SNURF: variants seen among roughly 807,000 people sequenced by gnomAD.
The protein encoded by SNURF is SNURF protein.
Under a neutral mutation model 11.6 loss-of-function variants are expected in SNURF, and 6 were observed. The observed-to-expected ratio is 0.52, with a 90% CI of 0.28 to 1.02. The LOEUF is 1.02. Among genes scored for constraint, SNURF ranks in the 50% least tolerant of loss-of-function variants. The pLI, the probability that SNURF is intolerant of heterozygous loss-of-function variation, is 0.09. For synonymous variants in SNURF, 29 were observed against 31.6 expected (o/e 0.92, Z 0.27); for missense variants, 84 against 88.4 (o/e 0.95, Z 0.20).
chr15:24,957,487 T>C (rs921841536), intron 1 of SNURF, among the ~76,000 whole-genome samples: 1 of 152,232 alleles, frequency 6.6e-6, no homozygotes, highest in Non-Finnish European at 1.5e-5. Flanking sequence ...CATTTTTATA[T>C]TCCAGTACTT....
At chr15:24,965,695 T>A (rs1421941893) in intron 2 of SNURF, among the ~76,000 whole-genome samples, 1 of 152,188 alleles carries the variant, frequency 6.6e-6, no homozygotes, top group Non-Finnish European at 1.5e-5. Flanking sequence ...TGTCTTAATA[T>A]ATTTTATGCT....
At chr15:24,965,377 AAAT>A (rs1225363435) in intron 2 of SNURF, among the ~76,000 whole-genome samples, 2 of 152,082 alleles carry the variant, frequency 1.3e-5, no homozygotes, top group Non-Finnish European at 2.9e-5. Flanking sequence ...ATCTCTAGAA[AAAT>A]AAAAAAATCA....
intron 4 of SNURF, chr15:24,975,526 C>T: frequency 6.2e-7 from 1 of 1,607,926 alleles, no homozygotes; most frequent in Non-Finnish European, 8.5e-7. Context: ...CTGATTTGGG[C>T]AAATGGGGGT....
chr15:24,978,691 A>C, downstream of SNURF: 1 of 539,684 alleles, frequency 1.9e-6, no homozygotes, highest in Admixed American at 3.5e-5. Context: ...ATTCTCTTTA[A>C]TTCTTAGGAT....
chr15:24,976,439 CA>C, intron 5 of SNURF: 1 of 1,491,922 alleles, frequency 6.7e-7, no homozygotes, highest in Non-Finnish European at 9.3e-7. Flanking sequence ...TAGGGCAGGA[CA>C]GAACTTTAAT....
intron 1 of SNURF, among the ~76,000 whole-genome samples, chr15:24,958,376 G>T (rs2074155696): frequency 6.9e-6 from 1 of 144,752 alleles, no homozygotes; most frequent in African/African-American, 2.6e-5. Context: ...CCTGTCACTG[G>T]TCCTGTCTCC....
intron 1 of SNURF, among the ~76,000 whole-genome samples, chr15:24,960,537 A>C (rs2074601152): frequency 6.6e-6 from 1 of 152,096 alleles, no homozygotes. Flanking sequence ...GATGTTGCCC[A>C]AGCTGGTCTC....
At chr15:24,968,029 G>A in exon 3 of SNURF, 2 of 1,614,052 alleles carry the variant, frequency 1.2e-6, no homozygotes, top group Non-Finnish European at 1.7e-6. Context: ...GACACCAAGA[G>A]GTGGTTAAAG....
At chr15:24,965,873 T>A (rs181542864) in intron 2 of SNURF, among the ~76,000 whole-genome samples, 251 of 115,854 alleles carry the variant, frequency 2.2e-3, no homozygotes, top group Admixed American at 5.4e-3. Flanking sequence ...TTATATATAT[T>A]TTTTTTTACT....
intron 2 of SNURF, 108 bp downstream of exon 2, chr15:24,962,317 A>G (rs1224510426): frequency 1.2e-6 from 1 of 866,618 alleles, no homozygotes; most frequent in Admixed American, 2.0e-5. Flanking sequence ...GAAGAAGCAG[A>G]CACATCTAAT....
intron 1 of SNURF, among the ~76,000 whole-genome samples, chr15:24,957,263 G>A (rs1190152814): frequency 6.6e-6 from 1 of 152,198 alleles, no homozygotes; most frequent in Non-Finnish European, 1.5e-5. Flanking sequence ...AAGGTTGAAA[G>A]GTGTTTCAAA....
At chr15:24,970,241 A>T (rs752908954), downstream of SNURF, among the ~76,000 whole-genome samples, 1 of 152,152 alleles carries the variant, frequency 6.6e-6, no homozygotes, top group Non-Finnish European at 1.5e-5. Context: ...ACCCGTTTTC[A>T]TTAAAAATGT....
rs532774253 is a variant in SNURF at position 24,955,878 on chromosome 15, C to T, written c.14+816C>T. Among the ~76,000 whole-genome samples, 6 of 151,566 alleles carry T rather than the reference C, an allele frequency of 4.0e-5. No individual in the cohort carries two copies. The East Asian group carries it at 1.2e-3, about 30-fold the overall frequency. ...GGCGGTGGGCATGGCGGCCGCGGGG[C>T]CTGTCGCTGTCCGGAGTGACTAAGG... On this transcript the variant is annotated intron_variant, in intron 1 of 2. Transcript: ENST00000577949.
chr15:24,977,109 G>A (rs1296224492), intron 6 of SNURF: 2 of 1,157,306 alleles, frequency 1.7e-6, no homozygotes, highest in African/African-American at 3.1e-5. Flanking sequence ...AAACCTAAGT[G>A]TATGTGTCAT....
rs426541 is a variant in SNURF, at chr15:24,962,126, C to T, written c.27C>T (p.His9=). 2.2e-3 allele frequency: 3,536 copies of T among 1,614,098 alleles called. 48 individuals are homozygous for T. In the African/African-American group the frequency reaches 0.034, roughly 15 times the overall value. The stretch of plus-strand genomic sequence containing the variant: ...TTTTCTGTTTCAGGGATCGCTTACA[C>T]CTGAGACGAACTACAGAACAGCACG... Residue 9 remains histidine (H), a synonymous_variant, in exon 2 of 3, where the codon CAC becomes CAT. Transcript: ENST00000577949.
intron 4 of SNURF, chr15:24,975,656 C>G (rs1381067492): frequency 1.5e-6 from 1 of 655,860 alleles, no homozygotes; most frequent in Non-Finnish European, 2.6e-6. Context: ...TTGACCTGAT[C>G]TCTGAATTAG....
chr15:24,972,824 G>A (rs2153656892), downstream of SNURF, among the ~76,000 whole-genome samples: 1 of 152,144 alleles, frequency 6.6e-6, no homozygotes, highest in South Asian at 2.1e-4. Context: ...ACAACAGACT[G>A]CATATGTCAG....
chr15:24,966,635 C>T (rs1278673515), intron 2 of SNURF, among the ~76,000 whole-genome samples: 1 of 152,134 alleles, frequency 6.6e-6, no homozygotes, highest in Non-Finnish European at 1.5e-5. Flanking sequence ...AGGGACCCAC[C>T]TTGAGTAACA....
At chr15:24,968,303 G>T in exon 3 of SNURF, 2 of 346,130 alleles carry the variant, frequency 5.8e-6, no homozygotes, top group African/African-American at 2.1e-5. Context: ...ATGCTTTTCA[G>T]GTAGTTTTCT....
Sources: gnomAD v4.1 joint callset for allele counts (sites outside exome capture counted in the v4.1 genomes callset) on GRCh38, gnomAD v4.1.1 for gene constraint, MANE v1.5 for transcripts, NCBI Gene and HGNC (gene_info 2026-07-23, HGNC 2026-07-21) for gene names.